Variants in TBC1D19 observed in about 807,000 individuals in gnomAD.
TBC1D19 encodes the protein TBC1 domain family member 19.
In TBC1D19, 60 loss-of-function variants were observed where a neutral mutation model predicts 89.0. The observed-to-expected ratio is 0.67, with a 90% CI of 0.55 to 0.84. The LOEUF (loss-of-function observed/expected upper bound fraction) is 0.84. Ranked by LOEUF, TBC1D19 falls within the 40% of genes least tolerant of loss-of-function variation. The pLI is 0.00. For synonymous variants in TBC1D19, 189 were observed against 199.7 expected, an observed-to-expected ratio of 0.95 and a Z score of 0.45; for missense variants, 500 against 610.8, an observed-to-expected ratio of 0.82 and a Z score of 1.91.
chr4:26,630,637 A>C (rs1421981759), intron 4 of TBC1D19, among the ~76,000 whole-genome samples: 1 of 152,008 alleles, frequency 6.6e-6, no homozygotes, highest in African/African-American at 2.4e-5. Flanking sequence ...GCAAGTGTTC[A>C]CTTCTCATCT....
the TBC1D19 span, among the ~76,000 whole-genome samples, chr4:26,821,030 C>A: frequency 1.3e-5 from 2 of 152,196 alleles, no homozygotes; most frequent in Non-Finnish European, 1.5e-5. Context: ...CCCTCTGGCC[C>A]CTACACTGCA....
chr4:26,836,194 T>C, the TBC1D19 span, among the ~76,000 whole-genome samples: 7 of 152,172 alleles, frequency 4.6e-5, no homozygotes, highest in Non-Finnish European at 1.0e-4. Flanking sequence ...TCAAGCTACA[T>C]TGTAATTGCT....
the TBC1D19 span, among the ~76,000 whole-genome samples, chr4:26,825,442 A>C: frequency 2.0e-5 from 3 of 152,130 alleles, no homozygotes; most frequent in Non-Finnish European, 4.4e-5. Flanking sequence ...CTAGGTATAT[A>C]AGGGCATGCC....
At chr4:26,637,084 C>T (rs1743182372) in intron 4 of TBC1D19, 127 bp from the exon 5 acceptor site, 1 of 645,834 alleles carries the variant, frequency 1.5e-6, no homozygotes, top group Non-Finnish European at 2.6e-6. Context: ...GTTGAGTGGA[C>T]TAATAAATAA....
At chr4:26,741,925 G>A (rs1453140040) in intron 17 of TBC1D19, among the ~76,000 whole-genome samples, 1 of 152,150 alleles carries the variant, frequency 6.6e-6, no homozygotes, top group African/African-American at 2.4e-5. Flanking sequence ...AAAAATATGT[G>A]TATACTAAGT....
At chr4:26,747,574 A>AT (rs1718718779) in intron 18 of TBC1D19, among the ~76,000 whole-genome samples, 1 of 152,178 alleles carries the variant, frequency 6.6e-6, no homozygotes, top group Non-Finnish European at 1.5e-5. Context: ...ACAGATGTTT[A>AT]TTGACAAAAT....
In TBC1D19 at chr4:26,739,851, T is replaced by C. The variant is rs1408741569; in HGVS notation, c.1118-13T>C. 1 of 1,487,990 alleles carries C rather than the reference T, an allele frequency of 6.7e-7. No homozygotes were observed. The highest frequency in any genetic ancestry group is 9.1e-7 in the Non-Finnish European group (1 of 1,100,340). 92.2% of individuals were successfully genotyped at this position (1,487,990 alleles called of 1,614,324 possible). A position where few individuals can be genotyped will look rare whatever the true frequency, so the allele number is the denominator to read the frequency against. On this transcript the variant is annotated splice_polypyrimidine_tract_variant and intron_variant, in intron 16 of 20. Coordinates refer to ENST00000264866, the MANE Select transcript of TBC1D19 (RefSeq NM_018317.4). Reference sequence around the variant, plus strand: ...TAGTTCTGCAGTATTATAAATTAATTTTTTTCTTTCAGTTGCACCACTTTG... The same window carrying C: ...TAGTTCTGCAGTATTATAAATTAATCTTTTTCTTTCAGTTGCACCACTTTG...
intron 11 of TBC1D19, among the ~76,000 whole-genome samples, chr4:26,680,227 A>G (rs1023925982): frequency 8.5e-5 from 13 of 152,168 alleles, no homozygotes; most frequent in African/African-American, 2.4e-4. Context: ...GTATTTCTTC[A>G]TAGCAGCATG....
At chr4:26,642,269 A>G (rs1743598327) in intron 7 of TBC1D19, among the ~76,000 whole-genome samples, 3 of 152,222 alleles carry the variant, frequency 2.0e-5, no homozygotes, top group Admixed American at 2.0e-4. Flanking sequence ...ACTGGGGGCC[A>G]ATATTCAACA....
chr4:26,589,966 G>C (rs1739658019), intron 1 of TBC1D19, among the ~76,000 whole-genome samples: 2 of 152,128 alleles, frequency 1.3e-5, no homozygotes, highest in African/African-American at 4.8e-5. Context: ...CTTTTGTATG[G>C]GCACCTGGCA....
chr4:26,795,325 C>T, the TBC1D19 span, among the ~76,000 whole-genome samples: 1 of 152,168 alleles, frequency 6.6e-6, no homozygotes, highest in Non-Finnish European at 1.5e-5. Flanking sequence ...TTTAAAATGG[C>T]ATCCCCCTAC....
the TBC1D19 span, among the ~76,000 whole-genome samples, chr4:26,802,583 C>G: frequency 6.6e-6 from 1 of 152,212 alleles, no homozygotes; most frequent in South Asian, 2.1e-4. Context: ...GCCTGGGCAA[C>G]AGAGCAAGAC....
the TBC1D19 span, among the ~76,000 whole-genome samples, chr4:26,807,160 G>A: frequency 2.2e-4 from 34 of 152,178 alleles, no homozygotes; most frequent in East Asian, 5.2e-3. Context: ...TAGGGGTGTC[G>A]GCAACCTTCA....
chr4:26,651,507 G>T (rs530471113), intron 7 of TBC1D19, among the ~76,000 whole-genome samples: 10 of 150,852 alleles, frequency 6.6e-5, no homozygotes, highest in African/African-American at 2.4e-4. Flanking sequence ...TCATGATTTG[G>T]CTGTTTATCT....
At chr4:26,587,983 G>C (rs908781589) in intron 1 of TBC1D19, among the ~76,000 whole-genome samples, 1 of 149,256 alleles carries the variant, frequency 6.7e-6, no homozygotes, top group Non-Finnish European at 1.5e-5. Context: ...AGGATTTGTA[G>C]TGATAGCCCC....
At chr4:26,664,724 C>T (rs111729401) in intron 8 of TBC1D19, among the ~76,000 whole-genome samples, 3,838 of 151,820 alleles carry the variant, frequency 0.025, 82 homozygotes, top group Non-Finnish European at 0.037. Flanking sequence ...CCACTCCCAG[C>T]TCGAATGCCT....
At chr4:26,644,977 C>T (rs1475294416) in intron 7 of TBC1D19, among the ~76,000 whole-genome samples, 2 of 150,464 alleles carry the variant, frequency 1.3e-5, no homozygotes, top group Admixed American at 6.6e-5. Flanking sequence ...GAATCAAAAT[C>T]GTGAAAATGG....
At chr4:26,728,427 A>G (rs986129388) in intron 15 of TBC1D19, among the ~76,000 whole-genome samples, 1 of 152,196 alleles carries the variant, frequency 6.6e-6, no homozygotes, top group Non-Finnish European at 1.5e-5. Context: ...ATTGAAGAAA[A>G]GTTAGAAAAG....
the TBC1D19 span, among the ~76,000 whole-genome samples, chr4:26,838,384 A>G: frequency 6.6e-6 from 1 of 152,226 alleles, no homozygotes; most frequent in African/African-American, 2.4e-5. Context: ...ACACCAGCTC[A>G]AAGTTTTTTA....
Sources: allele counts gnomAD v4.1 joint callset (sites outside exome capture counted in the v4.1 genomes callset), GRCh38; gene constraint gnomAD v4.1.1; transcripts MANE v1.5; gene names NCBI Gene and HGNC (gene_info 2026-07-23, HGNC 2026-07-21).